WDR7: variants seen among roughly 807,000 people sequenced by gnomAD.
WDR7 encodes WD repeat domain 7, also known as WD repeat-containing protein 7.
Under a neutral mutation model 169.4 loss-of-function variants are expected in WDR7, and 46 were observed. The observed-to-expected ratio is 0.27, with a 90% CI of 0.21 to 0.35. WDR7 has a LOEUF of 0.35. WDR7 is among the 10% of genes least tolerant of loss of function. The probability of loss-of-function intolerance (pLI) is 1.00; values close to 1 mark genes in which losing one functional copy is unlikely to be tolerated. For missense variants in WDR7, 1,534 were observed against 1,859.3 expected (o/e 0.83, Z 3.22); for synonymous variants, 612 against 666.8 (o/e 0.92, Z 1.27).
At chr18:56,912,557 C>T (rs2046566889) in intron 21 of WDR7, among the ~76,000 whole-genome samples, 1 of 152,216 alleles carries the variant, frequency 6.6e-6, no homozygotes, top group Admixed American at 6.5e-5. Context: ...ACCAGGCTTT[C>T]CTGCCTTTCA....
At chr18:56,721,402 G>A (rs940103232) in intron 13 of WDR7, 1 of 152,166 alleles carries the variant, frequency 6.6e-6, no homozygotes, top group Admixed American at 6.5e-5. Context: ...GAGAGCTGGA[G>A]TTCTAGAATC....
At chr18:56,700,565 C>CTTT (rs71169389) in intron 12 of WDR7, among the ~76,000 whole-genome samples, 2 of 115,834 alleles carry the variant, frequency 1.7e-5, no homozygotes, top group African/African-American at 6.7e-5. Context: ...AATATTGTTT[C>CTTT]TTTTTTTTTT....
chr18:56,745,585 A>AG (rs1391337482), intron 14 of WDR7, among the ~76,000 whole-genome samples: 2 of 152,134 alleles, frequency 1.3e-5, no homozygotes, highest in Admixed American at 1.3e-4. Flanking sequence ...ATATGACAGG[A>AG]GGTGGAGCTC....
intron 20 of WDR7, among the ~76,000 whole-genome samples, chr18:56,836,345 T>C (rs1204219063): frequency 3.3e-5 from 5 of 152,294 alleles, no homozygotes; most frequent in African/African-American, 9.6e-5. Flanking sequence ...TTGCTGACAA[T>C]GTAGGGCCTC....
At chr18:56,662,803 A>G (rs963282180) in intron 1 of WDR7, among the ~76,000 whole-genome samples, 3 of 152,246 alleles carry the variant, frequency 2.0e-5, no homozygotes, top group Non-Finnish European at 2.9e-5. Flanking sequence ...AAAAATCTTC[A>G]GATATGGAAC....
intron 19 of WDR7, among the ~76,000 whole-genome samples, chr18:56,805,709 C>T (rs1261602719): frequency 6.6e-6 from 1 of 151,024 alleles, no homozygotes; most frequent in Admixed American, 6.6e-5. Flanking sequence ...TATTTACTTT[C>T]ATTGCATAGT....
intron 19 of WDR7, among the ~76,000 whole-genome samples, chr18:56,785,152 C>G (rs1181292568): frequency 6.6e-6 from 1 of 152,024 alleles, no homozygotes; most frequent in African/African-American, 2.4e-5. Flanking sequence ...GAGGAATGAC[C>G]ACATAGGGCT....
chr18:56,923,788 G>T (rs2046761990), intron 21 of WDR7, 134 bp from the exon 22 acceptor site: 1 of 784,998 alleles, frequency 1.3e-6, no homozygotes, highest in Non-Finnish European at 1.9e-6. Context: ...CCAAGATCTT[G>T]TGTAGTCTTG....
intron 16 of WDR7, among the ~76,000 whole-genome samples, chr18:56,765,349 GA>G (rs745678015): frequency 2.8e-4 from 42 of 151,938 alleles, no homozygotes; most frequent in Non-Finnish European, 5.6e-4. Flanking sequence ...AGACTAAAAA[GA>G]TTTTTTTTAT....
chr18:57,018,954 A>T (rs1437620038), intron 26 of WDR7, among the ~76,000 whole-genome samples: 19 of 152,176 alleles, frequency 1.2e-4, no homozygotes. Context: ...AGAATAGTTC[A>T]TGTTAAGCTG....
chr18:56,679,258 G>A (rs1246444204), intron 2 of WDR7, 74 bp from the exon 3 acceptor site: 1 of 1,255,666 alleles, frequency 8.0e-7, no homozygotes, highest in Admixed American at 1.8e-5. Flanking sequence ...ATTTTACTAT[G>A]GCTAAGCTGA....
intron 21 of WDR7, among the ~76,000 whole-genome samples, chr18:56,907,423 G>A (rs1472866611): frequency 2.0e-5 from 3 of 152,150 alleles, no homozygotes; most frequent in African/African-American, 7.2e-5. Context: ...TTTTGAGACA[G>A]GAGCTTTGGA....
intron 26 of WDR7, among the ~76,000 whole-genome samples, chr18:56,964,648 A>G (rs1263127353): frequency 6.6e-6 from 1 of 152,142 alleles, no homozygotes; most frequent in Non-Finnish European, 1.5e-5. Context: ...TCAGCCTCCC[A>G]AAGTGCTGGG....
intron 12 of WDR7, among the ~76,000 whole-genome samples, chr18:56,712,388 G>C (rs368259590): frequency 1.3e-5 from 2 of 152,186 alleles, no homozygotes; most frequent in South Asian, 4.1e-4. Context: ...CAGCACTACT[G>C]AGGATTATTT....
At chr18:56,794,120 G>GA (rs919715090) in intron 19 of WDR7, among the ~76,000 whole-genome samples, 1 of 151,904 alleles carries the variant, frequency 6.6e-6, no homozygotes, top group Non-Finnish European at 1.5e-5. Context: ...ATCAAACGTA[G>GA]AGAAAGGTGG....
intron 16 of WDR7, among the ~76,000 whole-genome samples, 195 bp downstream of exon 16, chr18:56,759,148 A>G (rs2043944596): frequency 6.6e-6 from 1 of 152,190 alleles, no homozygotes; most frequent in South Asian, 2.1e-4. Flanking sequence ...AAAGTGATAA[A>G]TGAGCATATT....
chr18:56,964,933 C>A (rs950407171), intron 26 of WDR7, among the ~76,000 whole-genome samples: 3 of 152,056 alleles, frequency 2.0e-5, no homozygotes, highest in Non-Finnish European at 4.4e-5. Flanking sequence ...TCTCTTAATT[C>A]TTTTATTTTA....
chr18:56,764,504 T>C (rs1236325708), intron 16 of WDR7, among the ~76,000 whole-genome samples: 1 of 152,148 alleles, frequency 6.6e-6, no homozygotes, highest in East Asian at 1.9e-4. Context: ...TCTAGCTAAT[T>C]AACATATCTA....
intron 20 of WDR7, among the ~76,000 whole-genome samples, chr18:56,819,565 G>A (rs569170472): frequency 1.7e-4 from 26 of 152,076 alleles, no homozygotes; most frequent in African/African-American, 5.5e-4. Flanking sequence ...CCCTCTTGGC[G>A]GATTAATGTT....
Sources: gnomAD v4.1 joint callset for allele counts (sites outside exome capture counted in the v4.1 genomes callset) on GRCh38, gnomAD v4.1.1 for gene constraint, MANE v1.5 for transcripts, NCBI Gene and HGNC (gene_info 2026-07-23, HGNC 2026-07-21) for gene names.